LCORL: variants seen among roughly 807,000 people sequenced by gnomAD.
The protein encoded by LCORL is ligand-dependent nuclear receptor corepressor-like protein.
In LCORL, 41 loss-of-function variants were observed where a neutral mutation model predicts 141.8. The observed-to-expected ratio is 0.29, with a 90% CI of 0.23 to 0.38. The LOEUF (loss-of-function observed/expected upper bound fraction) is 0.38. LCORL is among the 10% of genes least tolerant of loss of function. LCORL has a pLI of 1.00. For missense variants in LCORL, 1,759 were observed against 2,035.0 expected (o/e 0.86, Z 2.61); for synonymous variants, 618 against 694.1 (o/e 0.89, Z 1.72).
chr4:17,937,444 A>C (rs1737048018), intron 4 of LCORL, among the ~76,000 whole-genome samples: 1 of 152,256 alleles, frequency 6.6e-6, no homozygotes, highest in African/African-American at 2.4e-5. Flanking sequence ...CTAACTTTTT[A>C]AAGCATTTGT....
intron 4 of LCORL, among the ~76,000 whole-genome samples, chr4:17,953,285 T>C (rs1441254164): frequency 3.3e-5 from 5 of 152,198 alleles, no homozygotes; most frequent in Non-Finnish European, 5.9e-5. Context: ...CTTGGTTGAA[T>C]GGTAGTTCTG....
rs1430899892 is a variant in LCORL, at chr4:17,950,669, A to G, written c.430+11234T>C. 2.6e-5 allele frequency among the ~76,000 whole-genome samples: 4 copies of G among 152,204 alleles called. No individual in the cohort carries two copies. The South Asian group carries it at 6.2e-4, about 24-fold the overall frequency. ...AAGCAAAAGTCTTACATCTTGCTAA[A>G]GGAGGCTGAATTTAATGAAATGGAC... On this transcript the variant is annotated intron_variant, in intron 4 of 7. Transcript: ENST00000635767.
At chr4:17,893,185 C>T (rs1729372439) in intron 5 of LCORL, 2 of 172,866 alleles carry the variant, frequency 1.2e-5, no homozygotes, top group African/African-American at 4.8e-5. Flanking sequence ...CTGGTCACCA[C>T]CTTGCCCCTA....
rs1248928428 is a variant in LCORL at position 17,861,424 on chromosome 4, G to C, written c.5602+11964C>G. Among the ~76,000 whole-genome samples, 9 of 152,322 alleles carry C rather than the reference G, an allele frequency of 5.9e-5. No individual in the cohort carries two copies. The East Asian group carries it at 1.7e-3, about 29-fold the overall frequency. On this transcript the variant is annotated intron_variant, in intron 7 of 7. Transcript: ENST00000635767. ...TCACAGCTGGAGTGGCTGGGACACAGGGCACCAGGTCCCTAGACTGCACAC... is the reference window on the plus strand; with the variant it reads ...TCACAGCTGGAGTGGCTGGGACACACGGCACCAGGTCCCTAGACTGCACAC...
At chr4:17,855,216 C>G (rs577079483) in intron 7 of LCORL, among the ~76,000 whole-genome samples, 1 of 152,006 alleles carries the variant, frequency 6.6e-6, no homozygotes, top group Non-Finnish European at 1.5e-5. Flanking sequence ...TAGAAATGAC[C>G]CTTGGCCATG....
intron 4 of LCORL, among the ~76,000 whole-genome samples, chr4:17,960,918 C>A (rs1713652337): frequency 6.6e-6 from 1 of 152,034 alleles, no homozygotes; most frequent in African/African-American, 2.4e-5. Flanking sequence ...TAAGACTCTT[C>A]TAATAAGAGG....
At chr4:17,886,224 A>C (rs1728251130) in intron 5 of LCORL, 63 bp from the exon 6 acceptor site, 6 of 822,482 alleles carry the variant, frequency 7.3e-6, no homozygotes, top group South Asian at 1.5e-5. Flanking sequence ...TTACATTTTA[A>C]TATTTCATAT....
rs1739151275 is a variant in LCORL, at chr4:17,947,990, CA to C, written c.430+13912del. Among the ~76,000 whole-genome samples, 3 of 151,798 alleles carry C rather than the reference CA, an allele frequency of 2.0e-5. No homozygotes were observed. The South Asian group carries it at 6.2e-4, about 31-fold the overall frequency. On this transcript the variant is annotated intron_variant, in intron 4 of 7. Transcript: ENST00000635767. ...GAAAGATGATTTAGAGTTTATCAAG[CA>C]AACAGGAAATGAGAAGCAGCAAAAA...
At chr4:17,883,732 G>C in intron 6 of LCORL, 1 of 1,537,990 alleles carries the variant, frequency 6.5e-7, no homozygotes, top group Non-Finnish European at 8.8e-7. Flanking sequence ...ACACAGGCTT[G>C]CTGCTGTTTT....
At chr4:17,880,287 G>T in intron 6 of LCORL, 1 of 262,268 alleles carries the variant, frequency 3.8e-6, no homozygotes, top group Non-Finnish European at 5.9e-6. Flanking sequence ...TGCATGTTAG[G>T]ATCTTAAAGA....
intron 7 of LCORL, among the ~76,000 whole-genome samples, chr4:17,872,259 T>A (rs932180936): frequency 1.3e-5 from 2 of 152,078 alleles, no homozygotes; most frequent in Non-Finnish European, 2.9e-5. Flanking sequence ...TAAGAAGAGC[T>A]GGAAATGGCT....
exon 8 of LCORL, chr4:17,843,189 G>T (rs969677268): frequency 4.4e-5 from 49 of 1,125,818 alleles, no homozygotes; most frequent in Non-Finnish European, 5.4e-5. Context: ...AATGGAATCA[G>T]GCTATCAATT....
chr4:18,010,032 A>T (rs979285927), intron 1 of LCORL, among the ~76,000 whole-genome samples: 10 of 152,294 alleles, frequency 6.6e-5, no homozygotes, highest in Non-Finnish European at 1.2e-4. Context: ...ATTATATTTT[A>T]AAAAAAGAGA....
At chr4:17,900,496 C>G (rs1730700727) in intron 5 of LCORL, among the ~76,000 whole-genome samples, 1 of 152,162 alleles carries the variant, frequency 6.6e-6, no homozygotes, top group South Asian at 2.1e-4. Flanking sequence ...TTATGGAGGT[C>G]TTCCTCAACG....
chr4:17,916,021 A>G (rs766085310), intron 4 of LCORL, among the ~76,000 whole-genome samples: 3 of 152,144 alleles, frequency 2.0e-5, no homozygotes, highest in Non-Finnish European at 4.4e-5. Context: ...AAAAGCTTGA[A>G]ACTTGTATTT....
At chr4:18,013,029 C>T (rs1038027562) in intron 1 of LCORL, among the ~76,000 whole-genome samples, 2 of 152,198 alleles carry the variant, frequency 1.3e-5, no homozygotes, top group Non-Finnish European at 2.9e-5. Context: ...TATAATATGG[C>T]TGCCATCTCC....
chr4:17,966,400 C>T (rs1714882255), intron 2 of LCORL, among the ~76,000 whole-genome samples: 1 of 152,078 alleles, frequency 6.6e-6, no homozygotes, highest in Non-Finnish European at 1.5e-5. Context: ...AATTTGATAA[C>T]TTTAAATAAA....
chr4:17,903,499 A>C (rs1279589587), intron 5 of LCORL, among the ~76,000 whole-genome samples: 1 of 152,022 alleles, frequency 6.6e-6, no homozygotes, highest in African/African-American at 2.4e-5. Flanking sequence ...CTGATATTTA[A>C]AAAATATATA....
chr4:17,933,221 T>A (rs1335576075), intron 4 of LCORL, among the ~76,000 whole-genome samples: 2 of 152,142 alleles, frequency 1.3e-5, no homozygotes, highest in Non-Finnish European at 2.9e-5. Flanking sequence ...GAAAGCTATG[T>A]AGTTTCAAAT....
Sources: gnomAD v4.1 joint callset for allele counts (sites outside exome capture counted in the v4.1 genomes callset) on GRCh38, gnomAD v4.1.1 for gene constraint, MANE v1.5 for transcripts, NCBI Gene and HGNC (gene_info 2026-07-23, HGNC 2026-07-21) for gene names.